Variants in INKA2 observed in about 807,000 individuals in gnomAD.
INKA2 encodes PAK4-inhibitor INKA2.
Under a neutral mutation model 9.8 loss-of-function variants are expected in INKA2, and 3 were observed. That is an observed-to-expected ratio of 0.31 (90% CI 0.14 to 0.79). The LOEUF (loss-of-function observed/expected upper bound fraction) is 0.79, where lower values mean the gene tolerates loss of function less well. Among genes scored for constraint, INKA2 ranks in the 30% least tolerant of loss-of-function variants. The pLI is 0.62. For missense variants in INKA2, 392 were observed against 384.4 expected, an observed-to-expected ratio of 1.02 and a Z score of -0.17; for synonymous variants, 147 against 143.3, an observed-to-expected ratio of 1.03 and a Z score of -0.18.
At chr1:111,739,421 G>T (rs1043583235), upstream of INKA2, 19 of 1,462,972 alleles carry the variant, frequency 1.3e-5, no homozygotes, top group East Asian at 1.0e-4. Flanking sequence ...AGCCGCGCGC[G>T]GTCGGTGCTG....
chr1:111,726,776 C>T lies in INKA2; in HGVS notation c.*192G>A. ...ACTCTTACCTCCTCCACCAGCTAGCCCCCAAGACAGCCTCTCCCAACCACC... is the reference window on the plus strand; with the variant it reads ...ACTCTTACCTCCTCCACCAGCTAGCTCCCAAGACAGCCTCTCCCAACCACC... On this transcript the variant is annotated 3_prime_UTR_variant, in exon 2 of 2. Coordinates refer to ENST00000357260, the MANE Select transcript of INKA2 (RefSeq NM_019099.5). 1.6e-6 allele frequency: 1 copy of T among 642,710 alleles called. No homozygotes were observed. The highest frequency in any genetic ancestry group is 4.3e-4 in the Middle Eastern group (1 of 2,304). The allele number at this position is 642,710 out of a possible 1,614,324, so 39.8% of individuals were successfully genotyped here. A position where few individuals can be genotyped will look rare whatever the true frequency, so the allele number is the denominator to read the frequency against.
At chr1:111,755,543 G>C in intron 1 of INKA2, 2 of 780,814 alleles carry the variant, frequency 2.6e-6, no homozygotes, top group Non-Finnish European at 4.0e-6. Context: ...AGCACGAGAC[G>C]GGGGCGTGAC....
At chr1:111,730,401 T>C (rs902197027) in intron 1 of INKA2, among the ~76,000 whole-genome samples, 2 of 152,198 alleles carry the variant, frequency 1.3e-5, no homozygotes, top group African/African-American at 4.8e-5. Context: ...CTCCCACAAA[T>C]GTCGCATATC....
intron 1 of INKA2, among the ~76,000 whole-genome samples, chr1:111,735,935 G>C (rs1319301837): frequency 1.3e-5 from 2 of 152,138 alleles, no homozygotes; most frequent in Non-Finnish European, 2.9e-5. Context: ...CATGAGCTCT[G>C]ATCACTCAGC....
At position 111,727,207 on chromosome 1, in the gene INKA2, G is replaced by T. The variant is rs761913751; in HGVS notation, c.655C>A (p.Arg219=). The T allele has an allele frequency of 6.2e-7, 1 of 1,614,206 alleles. No homozygotes were observed. Among genetic ancestry groups the T allele is most frequent in the Non-Finnish European group, 8.5e-7 (1 of 1,180,032 alleles). ...TTCAGCAGCCGGTCACGGTCAGGCC[G>T]CACACTACGCAAGAACTTCTTAAAG... ...NIFKKFLRSV[R]PDRDRLLKEK... is the part of the protein sequence containing the mutation. Residue 219 remains arginine, a synonymous_variant, in exon 2 of 2, where the codon CGG becomes AGG. Coordinates refer to ENST00000357260, the MANE Select transcript of INKA2 (RefSeq NM_019099.5).
intron 1 of INKA2, among the ~76,000 whole-genome samples, chr1:111,738,196 G>A (rs550169002): frequency 3.0e-4 from 46 of 152,336 alleles, no homozygotes; most frequent in Non-Finnish European, 5.3e-4. Context: ...ACAACAGAGA[G>A]CCTAGTGGAA....
intron 1 of INKA2, among the ~76,000 whole-genome samples, chr1:111,738,173 C>T (rs577682246): frequency 6.9e-4 from 105 of 152,060 alleles, no homozygotes; most frequent in Non-Finnish European, 1.1e-3. Context: ...CAAAAAGAGA[C>T]GAGGGCAAAG....
chr1:111,731,180 AG>A (rs1376650100), intron 1 of INKA2, among the ~76,000 whole-genome samples: 2 of 152,232 alleles, frequency 1.3e-5, no homozygotes, highest in African/African-American at 4.8e-5. Flanking sequence ...CATAAAACAG[AG>A]GCCCTATGTA....
At position 111,726,916 on chromosome 1, in the gene INKA2, C is replaced by T; in HGVS notation, c.*52G>A. On this transcript the variant is annotated 3_prime_UTR_variant, in exon 2 of 2. Coordinates refer to ENST00000357260, the MANE Select transcript of INKA2 (RefSeq NM_019099.5). ...CCACCCTCCCTCCTCCCCAGGGGCC[C>T]AGCACTGGGACCTGGCCCTTTCAGG... 6.5e-7 allele frequency: 1 copy of T among 1,541,280 alleles called. No homozygotes were observed. The highest frequency in any genetic ancestry group is 8.8e-7 in the Non-Finnish European group (1 of 1,131,340).
At chr1:111,755,496 C>T in intron 1 of INKA2, 4 of 593,564 alleles carry the variant, frequency 6.7e-6, no homozygotes, top group East Asian at 3.1e-5. Flanking sequence ...GAAGAGGTGG[C>T]CGCGAAGCGA....
At chr1:111,731,278 G>A (rs1662899160) in intron 1 of INKA2, among the ~76,000 whole-genome samples, 1 of 151,934 alleles carries the variant, frequency 6.6e-6, no homozygotes, top group African/African-American at 2.4e-5. Flanking sequence ...ATGGAACAAA[G>A]TTCAAATCTC....
Position 111,739,292 on chromosome 1 carries a change from C to T in INKA2, c.-50G>A, listed in dbSNP as rs1021928695. ...AAACAGAGAGGGCCCGGGTGAAACC[C>T]CGGCCCCACTGGAAACTGCGCTCCG... On this transcript the variant is annotated 5_prime_UTR_variant, in exon 1 of 2. Transcript: ENST00000357260. 4 of 1,610,292 alleles carry T rather than the reference C, an allele frequency of 2.5e-6. No individual in the cohort carries two copies. Among genetic ancestry groups the T allele is most frequent in the African/African-American group, 2.7e-5 (2 of 74,706 alleles).
upstream of INKA2, among the ~76,000 whole-genome samples, chr1:111,744,004 G>A (rs890495875): frequency 9.9e-5 from 15 of 152,248 alleles, no homozygotes; most frequent in Non-Finnish European, 1.5e-5. Context: ...CTGGCCCAGA[G>A]GTGCTGAGCA....
chr1:111,752,977 CG>C (rs1241876443), intron 1 of INKA2: 1 of 152,328 alleles, frequency 6.6e-6, no homozygotes, highest in Non-Finnish European at 1.5e-5. Flanking sequence ...GGATCACAGG[CG>C]TGAGCCACCG....
chr1:111,732,554 G>GTC (rs374668158), intron 1 of INKA2, among the ~76,000 whole-genome samples: 4 of 134,410 alleles, frequency 3.0e-5, no homozygotes, highest in Non-Finnish European at 4.7e-5. Flanking sequence ...CCCACTCCTA[G>GTC]TCTCTCTCTC....
rs557104608 is a variant in INKA2, at chr1:111,746,803, G to C, written n.124+8898C>G. 23 of 152,308 alleles carry C rather than the reference G, an allele frequency of 1.5e-4. No individual in the cohort carries two copies. The East Asian group carries it at 4.1e-3, about 27-fold the overall frequency. 9.4% of individuals were successfully genotyped at this position (152,308 alleles called of 1,614,324 possible). A position where few individuals can be genotyped will look rare whatever the true frequency, so the allele number is the denominator to read the frequency against. ...AGGAGGAAGAGATGAGGAGACAGTAGATCACCAGAGGGCAGTGTGAGGGGT... is the reference window on the plus strand; with the variant it reads ...AGGAGGAAGAGATGAGGAGACAGTACATCACCAGAGGGCAGTGTGAGGGGT... On this transcript the variant is annotated intron_variant and non_coding_transcript_variant, in intron 1 of 1. Coordinates refer to the INKA2 transcript ENST00000444059.
chr1:111,750,830 A>C (rs1663391200), intron 1 of INKA2, among the ~76,000 whole-genome samples: 1 of 152,202 alleles, frequency 6.6e-6, no homozygotes, highest in Admixed American at 6.5e-5. Flanking sequence ...CCTTTGGAAG[A>C]GCATAATGGA....
intron 1 of INKA2, among the ~76,000 whole-genome samples, chr1:111,729,795 C>T (rs1662864851): frequency 6.6e-6 from 1 of 152,256 alleles, no homozygotes; most frequent in South Asian, 2.1e-4. Context: ...CCCTCTCAGG[C>T]TTCTGGGTCA....
Position 111,739,265 on chromosome 1 carries a change from TCAAA to T in INKA2, c.-27_-24del. 1 of 1,613,438 alleles carries T rather than the reference TCAAA, an allele frequency of 6.2e-7. No homozygotes were observed. The highest frequency in any genetic ancestry group is 8.5e-7 in the Non-Finnish European group (1 of 1,179,666). ...CATGCGCCCATTTGTCGGGTTCGGTTCAAACAGAGAGGGCCCGGGTGAAACCCCG... is the reference window on the plus strand; with the variant it reads ...CATGCGCCCATTTGTCGGGTTCGGTTCAGAGAGGGCCCGGGTGAAACCCCG... On this transcript the variant is annotated 5_prime_UTR_variant, in exon 1 of 2. Transcript: ENST00000357260.
Sources: gnomAD v4.1 joint callset for allele counts (sites outside exome capture counted in the v4.1 genomes callset) on GRCh38, gnomAD v4.1.1 for gene constraint, MANE v1.5 for transcripts, NCBI Gene and HGNC (gene_info 2026-07-23, HGNC 2026-07-21) for gene names.